The following ZNF609 variants were observed in gnomAD, a reference collection of about 807,000 sequenced individuals.
ZNF609 encodes the protein zinc finger protein 609.
Under a neutral mutation model 109.5 loss-of-function variants are expected in ZNF609, and 11 were observed. The observed-to-expected ratio is 0.10, with a 90% CI of 0.06 to 0.17. ZNF609 has a LOEUF of 0.17. Among genes scored for constraint, ZNF609 ranks in the 10% least tolerant of loss-of-function variants. The probability of loss-of-function intolerance (pLI) is 1.00; values close to 1 mark genes in which losing one functional copy is unlikely to be tolerated. For synonymous variants in ZNF609, 646 were observed against 662.0 expected, an observed-to-expected ratio of 0.98 and a Z score of 0.37; for missense variants, 1,559 against 1,772.4, an observed-to-expected ratio of 0.88 and a Z score of 2.16.
intron 2 of ZNF609, among the ~76,000 whole-genome samples, chr15:64,563,770 G>A (rs1027808448): frequency 2.0e-5 from 3 of 149,650 alleles, no homozygotes; most frequent in East Asian, 1.9e-4. Context: ...GCGAAACTCT[G>A]TCTCAAAACA....
Position 64,680,289 on chromosome 15 carries a change from T to C in ZNF609, c.3874T>C (p.Ser1292Pro). 1 of 1,614,172 alleles carries C rather than the reference T, an allele frequency of 6.2e-7. No individual in the cohort carries two copies. The change falls in exon 7 of 10, where the codon TCC becomes CCC. Residue 1292 changes from serine (S) to proline (P), a missense_variant. Ser to Pro is a moderately conservative substitution (Grantham distance 74). Coordinates refer to ENST00000326648, the MANE Select transcript of ZNF609 (RefSeq NM_015042.2). ...ARASPSVTCK[S>P]SSESKALDIL... Reference sequence around the variant, plus strand: ...AGCCAGCCCCAGTGTGACTTGTAAATCCAGCTCAGAGTCCAAAGCCCTGGA... The same window carrying C: ...AGCCAGCCCCAGTGTGACTTGTAAACCCAGCTCAGAGTCCAAAGCCCTGGA...
In ZNF609 at chr15:64,588,442, A is replaced by AAAAAAAAAAAAAAAAAAAAAAAAAAAG. The variant is rs71133451; in HGVS notation, c.748-34383_748-34382insAAAAAAAAAAAAAAAAAAAAAAAAGAA. On this transcript the variant is annotated intron_variant, in intron 2 of 9. Coordinates refer to ENST00000326648, the MANE Select transcript of ZNF609 (RefSeq NM_015042.2). Reference sequence around the variant, plus strand: ...CACTCTGTCTAAAAAAAAAAAAAAAAAAGAAGAGGAAGACTGTACAGACTA... The same window carrying AAAAAAAAAAAAAAAAAAAAAAAAAAAG: ...CACTCTGTCTAAAAAAAAAAAAAAAAAAAAAAAAAAAAAAAAAAAAAAAAAAGAAGAAGAGGAAGACTGTACAGACTA... Among the ~76,000 whole-genome samples, 5 of 75,282 alleles carry AAAAAAAAAAAAAAAAAAAAAAAAAAAG rather than the reference A, an allele frequency of 6.6e-5. 2 individuals carry two copies. Among genetic ancestry groups the AAAAAAAAAAAAAAAAAAAAAAAAAAAG allele is most frequent in the African/African-American group, 2.6e-4 (5 of 19,518 alleles). The allele number at this position is 75,282 out of a possible 152,430, so 49.4% of individuals were successfully genotyped here.
At chr15:64,523,462 T>C (rs1893922193) in intron 2 of ZNF609, among the ~76,000 whole-genome samples, 1 of 152,134 alleles carries the variant, frequency 6.6e-6, no homozygotes, top group South Asian at 2.1e-4. Context: ...TCAGGAAATC[T>C]AGGAAAATCT....
intron 2 of ZNF609, among the ~76,000 whole-genome samples, chr15:64,537,613 T>C (rs890515911): frequency 5.9e-5 from 9 of 152,014 alleles, no homozygotes; most frequent in African/African-American, 2.2e-4. Context: ...ATAGCTTATC[T>C]AACACAGACA....
rs951319279 is a variant in ZNF609 at position 64,473,191 on chromosome 15, C to CTTTTTT, written c.-128+12372_-128+12377dup. On this transcript the variant is annotated intron_variant, in intron 1 of 9. Transcript: ENST00000326648. ...TAAAACTTTTGACTCATATTTGGTT[C>CTTTTTT]TTTTTTTTTTTTTTTTTTTTTTTTG... 1.6e-4 allele frequency among the ~76,000 whole-genome samples: 12 copies of CTTTTTT among 76,068 alleles called. 1 individual carries two copies. Among genetic ancestry groups the CTTTTTT allele is most frequent in the South Asian group, 4.7e-4 (1 of 2,148 alleles). 49.9% of individuals were successfully genotyped at this position (76,068 alleles called of 152,430 possible).
At chr15:64,553,469 A>G (rs906775707) in intron 2 of ZNF609, among the ~76,000 whole-genome samples, 3 of 151,782 alleles carry the variant, frequency 2.0e-5, no homozygotes, top group Non-Finnish European at 4.4e-5. Flanking sequence ...TAAGTATTTC[A>G]TACTTTACTA....
chr15:64,540,637 C>T (rs1595712022), intron 2 of ZNF609, among the ~76,000 whole-genome samples: 1 of 151,434 alleles, frequency 6.6e-6, no homozygotes, highest in Non-Finnish European at 1.5e-5. Context: ...AACCCTTTAC[C>T]TCGTGATCCG....
At chr15:64,538,387 T>C (rs1489927414) in intron 2 of ZNF609, among the ~76,000 whole-genome samples, 2 of 152,206 alleles carry the variant, frequency 1.3e-5, no homozygotes, top group African/African-American at 4.8e-5. Flanking sequence ...TGTTTGAGGC[T>C]TTTGCTTTAG....
chr15:64,558,810 C>T (rs1166352330), intron 2 of ZNF609, among the ~76,000 whole-genome samples: 1 of 152,040 alleles, frequency 6.6e-6, no homozygotes, highest in Non-Finnish European at 1.5e-5. Context: ...GGTATTGGAA[C>T]TTAACTATTG....
chr15:64,562,872 AGTGTGTGT>A (rs6145601), intron 2 of ZNF609, among the ~76,000 whole-genome samples: 16,434 of 148,956 alleles, frequency 0.11, 1,686 homozygotes, highest in African/African-American at 0.27. Context: ...GGTAAGCGTG[AGTGTGTGT>A]GTGTGTGTGT....
intron 2 of ZNF609, among the ~76,000 whole-genome samples, chr15:64,580,504 G>A (rs1895080078): frequency 6.6e-6 from 1 of 151,560 alleles, no homozygotes; most frequent in South Asian, 2.1e-4. Context: ...TTTCTTGTAG[G>A]GCAGGTCTAC....
intron 2 of ZNF609, among the ~76,000 whole-genome samples, chr15:64,608,285 T>A (rs569574757): frequency 5.0e-4 from 76 of 152,122 alleles, no homozygotes; most frequent in African/African-American, 1.1e-3. Context: ...TTAACTTTTT[T>A]AAAATCTTTT....
intron 2 of ZNF609, among the ~76,000 whole-genome samples, chr15:64,615,074 C>T (rs929051282): frequency 6.6e-6 from 1 of 152,138 alleles, no homozygotes; most frequent in Non-Finnish European, 1.5e-5. Flanking sequence ...GCCTTGGCCT[C>T]CCAAAGTGCT....
intron 3 of ZNF609, among the ~76,000 whole-genome samples, chr15:64,655,044 C>T (rs939879406): frequency 1.4e-5 from 2 of 147,888 alleles, no homozygotes; most frequent in African/African-American, 2.5e-5. Flanking sequence ...TGCAGTGAAC[C>T]GAGATTATGC....
intron 2 of ZNF609, among the ~76,000 whole-genome samples, chr15:64,597,269 C>T (rs1036445187): frequency 1.8e-4 from 28 of 152,106 alleles, no homozygotes; most frequent in Non-Finnish European, 7.4e-5. Flanking sequence ...CAGACGGGCA[C>T]TTTTCCTCCT....
intron 2 of ZNF609, chr15:64,528,911 T>C: frequency 9.1e-7 from 1 of 1,097,602 alleles, no homozygotes; most frequent in East Asian, 2.4e-5. Context: ...GATGTCATCA[T>C]ATTGGCAGGT....
intron 2 of ZNF609, among the ~76,000 whole-genome samples, chr15:64,591,135 G>C (rs1160634233): frequency 6.6e-6 from 1 of 151,720 alleles, no homozygotes. Flanking sequence ...AGGAGTTCAA[G>C]ACCAGCCTCC....
At chr15:64,551,777 T>G (rs1045625100) in intron 2 of ZNF609, among the ~76,000 whole-genome samples, 35 of 149,996 alleles carry the variant, frequency 2.3e-4, no homozygotes, top group African/African-American at 8.5e-4. Context: ...TGATTAAGCT[T>G]ACCTTCTTAT....
intron 2 of ZNF609, among the ~76,000 whole-genome samples, chr15:64,573,403 G>A (rs1442706576): frequency 7.4e-6 from 1 of 135,544 alleles, no homozygotes; most frequent in Non-Finnish European, 1.5e-5. Context: ...CGCCCAGGCT[G>A]GAGTGCAGTG....
Sources: allele counts gnomAD v4.1 joint callset (sites outside exome capture counted in the v4.1 genomes callset), GRCh38; gene constraint gnomAD v4.1.1; transcripts MANE v1.5; gene names NCBI Gene and HGNC (gene_info 2026-07-23, HGNC 2026-07-21).